The following KSR2 variants were observed in gnomAD, a reference collection of about 807,000 sequenced individuals.
KSR2 encodes the protein kinase suppressor of ras 2.
In KSR2, 25 loss-of-function variants were observed where a neutral mutation model predicts 107.8. The observed-to-expected ratio is 0.23, with a 90% CI of 0.17 to 0.32. KSR2 has a LOEUF of 0.32. KSR2 is among the 10% of genes least tolerant of loss of function. The pLI, the probability that KSR2 is intolerant of heterozygous loss-of-function variation, is 1.00. For synonymous variants in KSR2, 480 were observed against 507.0 expected, an observed-to-expected ratio of 0.95 and a Z score of 0.71; for missense variants, 887 against 1,268.9, an observed-to-expected ratio of 0.70 and a Z score of 4.57.
chr12:117,476,321 G>A (rs541894059), intron 17 of KSR2, 143 bp downstream of exon 17: 114 of 927,748 alleles, frequency 1.2e-4, no homozygotes, highest in Non-Finnish European at 1.6e-4. Flanking sequence ...CCCTACTCAG[G>A]TTCCTCCATT....
intron 3 of KSR2, among the ~76,000 whole-genome samples, chr12:117,785,447 A>T (rs1232771520): frequency 6.7e-6 from 1 of 148,618 alleles, no homozygotes; most frequent in Middle Eastern, 3.2e-3. Flanking sequence ...AAAAAAAGCA[A>T]TCAATAGGTA....
At chr12:117,789,875 A>C (rs2136970099) in intron 3 of KSR2, among the ~76,000 whole-genome samples, 1 of 152,342 alleles carries the variant, frequency 6.6e-6, no homozygotes, top group South Asian at 2.1e-4. Flanking sequence ...CAACTCATAA[A>C]GCCTGCAAAG....
intron 3 of KSR2, among the ~76,000 whole-genome samples, chr12:117,809,516 T>G (rs1891124730): frequency 6.6e-6 from 1 of 152,190 alleles, no homozygotes. Flanking sequence ...CCAATCGACA[T>G]AAATGTCAGC....
intron 1 of KSR2, among the ~76,000 whole-genome samples, chr12:117,915,151 T>C (rs1895137542): frequency 6.6e-6 from 1 of 152,214 alleles, no homozygotes. Flanking sequence ...GTTCAGGCTT[T>C]TATAACAAAC....
intron 9 of KSR2, among the ~76,000 whole-genome samples, chr12:117,548,533 CTG>C (rs1233389520): frequency 6.6e-6 from 1 of 150,932 alleles, no homozygotes; most frequent in African/African-American, 2.5e-5. Flanking sequence ...TTAATAAACT[CTG>C]TGTTATTGGT....
chr12:117,680,482 G>T (rs1335329571), intron 4 of KSR2, among the ~76,000 whole-genome samples: 1 of 152,000 alleles, frequency 6.6e-6, no homozygotes, highest in East Asian at 1.9e-4. Flanking sequence ...AACAATCCCT[G>T]CCCCCAGCAT....
At chr12:117,847,729 A>G (rs59360370) in intron 3 of KSR2, among the ~76,000 whole-genome samples, 25,516 of 150,982 alleles carry the variant, frequency 0.17, 2,207 homozygotes, top group Non-Finnish European at 0.19. Flanking sequence ...AGCTCCCACC[A>G]CTCTCCCCAG....
chr12:117,473,121 T>G (rs1871576324), intron 17 of KSR2, among the ~76,000 whole-genome samples: 1 of 152,148 alleles, frequency 6.6e-6, no homozygotes. Flanking sequence ...CTGCCTCCCC[T>G]GCTCCTTCCC....
chr12:117,542,175 G>A (rs1330458981), intron 9 of KSR2, among the ~76,000 whole-genome samples: 1 of 151,952 alleles, frequency 6.6e-6, no homozygotes, highest in African/African-American at 2.4e-5. Context: ...TACAGGTGTG[G>A]GTCAATGCGG....
chr12:117,531,493 C>T (rs989103074), intron 11 of KSR2, among the ~76,000 whole-genome samples, 173 bp downstream of exon 11: 2 of 152,020 alleles, frequency 1.3e-5, no homozygotes, highest in African/African-American at 4.8e-5. Context: ...CCCACTGTGC[C>T]CACTCTTTCT....
At chr12:117,468,173 T>G (rs993093614) in intron 19 of KSR2, among the ~76,000 whole-genome samples, 4 of 152,202 alleles carry the variant, frequency 2.6e-5, no homozygotes, top group African/African-American at 9.7e-5. Flanking sequence ...ACAATAGGGC[T>G]CGGTCTCCCT....
intron 6 of KSR2, among the ~76,000 whole-genome samples, 161 bp from the exon 7 acceptor site, chr12:117,579,363 T>C (rs550775261): frequency 2.0e-5 from 3 of 152,194 alleles, no homozygotes; most frequent in Non-Finnish European, 4.4e-5. Flanking sequence ...CACTGGAACC[T>C]CAGTTTCCCC....
At chr12:117,650,566 T>C (rs1883861626) in intron 5 of KSR2, among the ~76,000 whole-genome samples, 1 of 152,156 alleles carries the variant, frequency 6.6e-6, no homozygotes, top group Non-Finnish European at 1.5e-5. Flanking sequence ...TGCTAAGGAC[T>C]CTACTTCTAA....
intron 3 of KSR2, among the ~76,000 whole-genome samples, chr12:117,799,355 A>G (rs56138435): frequency 0.14 from 21,843 of 151,956 alleles, 2,560 homozygotes; most frequent in African/African-American, 0.32. Flanking sequence ...CACAAAAATT[A>G]GCTGGGCGTG....
At chr12:117,947,565 T>TA (rs1896237911) in intron 1 of KSR2, among the ~76,000 whole-genome samples, 1 of 150,272 alleles carries the variant, frequency 6.7e-6, no homozygotes, top group African/African-American at 2.5e-5. Context: ...CAAAAATAAA[T>TA]ACAATTTTTA....
chr12:117,736,000 C>T (rs1042192591), intron 4 of KSR2, among the ~76,000 whole-genome samples: 9 of 152,094 alleles, frequency 5.9e-5, no homozygotes, highest in Non-Finnish European at 1.0e-4. Flanking sequence ...GAAGTCATAC[C>T]GGGATCCATG....
chr12:117,730,146 T>C, intron 4 of KSR2, among the ~76,000 whole-genome samples: 1 of 152,142 alleles, frequency 6.6e-6, no homozygotes, highest in Non-Finnish European at 1.5e-5. Context: ...TAATAAAACT[T>C]TATTTACAAA....
chr12:117,488,922 G>A (rs753766001), intron 14 of KSR2, among the ~76,000 whole-genome samples: 3 of 152,110 alleles, frequency 2.0e-5, no homozygotes, highest in East Asian at 1.9e-4. Context: ...CCAAATGTTC[G>A]TCAACAGAAA....
intron 1 of KSR2, among the ~76,000 whole-genome samples, chr12:117,943,002 G>C (rs975208293): frequency 6.6e-6 from 1 of 152,102 alleles, no homozygotes; most frequent in Non-Finnish European, 1.5e-5. Context: ...GACACTGAAA[G>C]ACATTAATGT....
Sources: gnomAD v4.1 joint callset for allele counts (sites outside exome capture counted in the v4.1 genomes callset) on GRCh38, gnomAD v4.1.1 for gene constraint, MANE v1.5 for transcripts, NCBI Gene and HGNC (gene_info 2026-07-23, HGNC 2026-07-21) for gene names.